Variants in KCNQ1OT1 observed in about 807,000 individuals in gnomAD.
KCNQ1OT1 encodes KCNQ1 antisense RNA 2 (non-protein coding).
rs1338008829 is a variant in KCNQ1OT1, at chr11:2,645,582, C to A, written n.54413G>T. 1 of 398,548 alleles carries A rather than the reference C, an allele frequency of 2.5e-6. No homozygotes were observed. Among genetic ancestry groups the A allele is most frequent in the Admixed American group, 4.4e-5 (1 of 22,714 alleles). 24.7% of individuals were successfully genotyped at this position (398,548 alleles called of 1,614,324 possible). The stretch of plus-strand genomic sequence containing the variant: ...CAGCAGCTATAAACAGGCAGTTGGG[C>A]AATGCATGCTTCGGCCCCAGGTGGT... On this transcript the variant is annotated non_coding_transcript_exon_variant, in exon 1 of 1. Coordinates refer to ENST00000597346, the Ensembl canonical transcript of KCNQ1OT1. The surrounding 1 kb of genome is among the most constrained non-coding windows in gnomAD (Gnocchi z 5.8).
exon 1 of KCNQ1OT1, chr11:2,688,469 ACT>A (rs1850531164): frequency 2.5e-6 from 1 of 398,554 alleles, no homozygotes; most frequent in African/African-American, 2.1e-5. Flanking sequence ...AGAACACCAC[ACT>A]GAGGCTCTGC....
In KCNQ1OT1 at chr11:2,620,210, T is replaced by G; in HGVS notation, n.79785A>C. 1 of 300,476 alleles carries G rather than the reference T, an allele frequency of 3.3e-6. No homozygotes were observed. Among genetic ancestry groups the G allele is most frequent in the South Asian group, 1.7e-4 (1 of 5,844 alleles). 18.6% of individuals were successfully genotyped at this position (300,476 alleles called of 1,614,324 possible). ...GTAAGTTCATTCATGTATATATATATATTTTTTTTTTTTATTTTTTTTTTA... is the reference window on the plus strand; with the variant it reads ...GTAAGTTCATTCATGTATATATATAGATTTTTTTTTTTTATTTTTTTTTTA... On this transcript the variant is annotated non_coding_transcript_exon_variant, in exon 1 of 1. Transcript: ENST00000597346. The surrounding 1 kb of genome is among the most constrained non-coding windows in gnomAD (Gnocchi z 4.5).
At chr11:2,686,258 G>T in exon 1 of KCNQ1OT1, 1 of 398,732 alleles carries the variant, frequency 2.5e-6, no homozygotes, top group Non-Finnish European at 4.4e-6. Flanking sequence ...GCAAATGTCT[G>T]CCACCCCAGT....
chr11:2,688,550 G>T, exon 1 of KCNQ1OT1: 2 of 398,750 alleles, frequency 5.0e-6, no homozygotes, highest in East Asian at 7.1e-5. Flanking sequence ...TAGTGTCAAG[G>T]TTCCACACCA....
chr11:2,639,490 T>G (rs1021534974), exon 1 of KCNQ1OT1: 1 of 152,394 alleles, frequency 6.6e-6, no homozygotes, highest in Non-Finnish European at 1.5e-5. Context: ...CAGACCCTGT[T>G]TGCCTGGGTA....
exon 1 of KCNQ1OT1, chr11:2,630,927 T>G: frequency 2.5e-6 from 1 of 398,506 alleles, no homozygotes; most frequent in Non-Finnish European, 4.4e-6. Context: ...GCCTGGAAAG[T>G]TTTTGCTCAG....
exon 1 of KCNQ1OT1, chr11:2,655,523 G>A: frequency 2.5e-6 from 1 of 398,688 alleles, no homozygotes; most frequent in Non-Finnish European, 4.4e-6. Context: ...AGTACACCAT[G>A]GGCTCAACCT....
At chr11:2,650,151 A>G (rs978260192) in exon 1 of KCNQ1OT1, 3 of 398,206 alleles carry the variant, frequency 7.5e-6, no homozygotes, top group Non-Finnish European at 1.3e-5. Flanking sequence ...TCTTTTTCAT[A>G]TCTAACTCTG....
chr11:2,644,140 G>C (rs936932865), exon 1 of KCNQ1OT1: 2 of 398,380 alleles, frequency 5.0e-6, no homozygotes, highest in Admixed American at 8.8e-5. Context: ...TAAATCTCTT[G>C]GGAGATTGGG....
rs1850734942 is a variant in KCNQ1OT1 at position 2,699,418 on chromosome 11, G to A, written n.577C>T. ...CCCTCCCAGAGAGATGGGGAGGGCCGCGCTGAGGAGAGTCTGGGAGAACCG... is the reference window on the plus strand; with the variant it reads ...CCCTCCCAGAGAGATGGGGAGGGCCACGCTGAGGAGAGTCTGGGAGAACCG... On this transcript the variant is annotated non_coding_transcript_exon_variant, in exon 1 of 1. Coordinates refer to ENST00000597346, the Ensembl canonical transcript of KCNQ1OT1. 2.0e-5 allele frequency: 8 copies of A among 399,794 alleles called. No individual in the cohort carries two copies. In the East Asian group the frequency reaches 2.5e-4, roughly 12 times the overall value. 24.8% of individuals were successfully genotyped at this position (399,794 alleles called of 1,614,324 possible).
chr11:2,697,327 C>G, exon 1 of KCNQ1OT1: 1 of 398,566 alleles, frequency 2.5e-6, no homozygotes, highest in Non-Finnish European at 4.4e-6. Flanking sequence ...AGACCATCAA[C>G]CCTATGAGCT....
At chr11:2,675,386 A>C (rs1850276099) in exon 1 of KCNQ1OT1, 1 of 398,528 alleles carries the variant, frequency 2.5e-6, no homozygotes. Flanking sequence ...ACATTTAAAC[A>C]CAGATATTGG....
Position 2,626,331 on chromosome 11 carries a change from G to T in KCNQ1OT1, n.73664C>A, listed in dbSNP as rs1468341880. On this transcript the variant is annotated non_coding_transcript_exon_variant, in exon 1 of 1. Transcript: ENST00000597346. This position sits in a 1 kb window ranked among gnomAD's most constrained non-coding sequence, Gnocchi z 4.0. ...ATTTTTGTGTATGGTATTAGGTAAG[G>T]GTCTCAACTTCAGTTATCCTGGCAC... 1.0e-5 allele frequency: 4 copies of T among 398,312 alleles called. No individual in the cohort carries two copies. The highest frequency in any genetic ancestry group is 4.4e-5 in the Admixed American group (1 of 22,690). 24.7% of individuals were successfully genotyped at this position (398,312 alleles called of 1,614,324 possible).
At chr11:2,684,590 C>T (rs1850452875) in exon 1 of KCNQ1OT1, 1 of 398,674 alleles carries the variant, frequency 2.5e-6, no homozygotes, top group East Asian at 3.6e-5. Context: ...AGGAGAGTGA[C>T]TGTCCTTTGT....
rs912763163 is a variant in KCNQ1OT1 at position 2,669,121 on chromosome 11, T to C, written n.30874A>G. 4 of 398,606 alleles carry C rather than the reference T, an allele frequency of 1.0e-5. No homozygotes were observed. The highest frequency in any genetic ancestry group is 1.8e-5 in the Non-Finnish European group (4 of 226,126). The allele number at this position is 398,606 out of a possible 1,614,324, so 24.7% of individuals were successfully genotyped here. ...GCTCACTGGCTACGTGTGGCTCTGT[T>C]TCTGGACCCTATTGGGTGCCACTGG... On this transcript the variant is annotated non_coding_transcript_exon_variant, in exon 1 of 1. Coordinates refer to ENST00000597346, the Ensembl canonical transcript of KCNQ1OT1. The surrounding 1 kb of genome is among the most constrained non-coding windows in gnomAD (Gnocchi z 5.6).
Position 2,617,448 on chromosome 11 carries a change from C to A in KCNQ1OT1, n.82547G>T. On this transcript the variant is annotated non_coding_transcript_exon_variant, in exon 1 of 1. Coordinates refer to ENST00000597346, the Ensembl canonical transcript of KCNQ1OT1. The surrounding 1 kb of genome is among the most constrained non-coding windows in gnomAD (Gnocchi z 4.6). ...TAATATTCCATTGTAGACATACACA[C>A]CACAGTTTAGTCATCCATCAATGGA... 7.5e-6 allele frequency: 3 copies of A among 398,394 alleles called. No homozygotes were observed. The highest frequency in any genetic ancestry group is 1.3e-4 in the South Asian group (1 of 7,852). The allele number at this position is 398,394 out of a possible 1,614,324, so 24.7% of individuals were successfully genotyped here.
At chr11:2,648,704 C>T in exon 1 of KCNQ1OT1, 1 of 398,386 alleles carries the variant, frequency 2.5e-6, no homozygotes. Flanking sequence ...ATGGTATATC[C>T]TGGAGAATGT....
At position 2,661,693 on chromosome 11, in the gene KCNQ1OT1, C is replaced by G. The variant is rs914615225; in HGVS notation, n.38302G>C. 2 of 602,352 alleles carry G rather than the reference C, an allele frequency of 3.3e-6. No individual in the cohort carries two copies. Among genetic ancestry groups the G allele is most frequent in the African/African-American group, 3.7e-5 (2 of 53,934 alleles). 37.3% of individuals were successfully genotyped at this position (602,352 alleles called of 1,614,324 possible). A position where few individuals can be genotyped will look rare whatever the true frequency, so the allele number is the denominator to read the frequency against. ...AACCTGAGGTGGGGAGAGTCTTGGA[C>G]ACCTGAGCACAGCCCCAGGCACAGT... On this transcript the variant is annotated non_coding_transcript_exon_variant, in exon 1 of 1. Coordinates refer to ENST00000597346, the Ensembl canonical transcript of KCNQ1OT1. This position sits in a 1 kb window ranked among gnomAD's most constrained non-coding sequence, Gnocchi z 5.9.
chr11:2,639,089 A>T (rs1430253598), exon 1 of KCNQ1OT1: 2 of 151,932 alleles, frequency 1.3e-5, no homozygotes, highest in Non-Finnish European at 2.9e-5. Flanking sequence ...ACTTCTCTAC[A>T]CTGGTTATTC....
Sources: allele counts gnomAD v4.1 joint callset, GRCh38; gene constraint gnomAD v4.1.1; non-coding constraint Gnocchi (gnomAD v3.1); transcripts MANE v1.5; gene names NCBI Gene and HGNC (gene_info 2026-07-23, HGNC 2026-07-21).